The following NOL4L variants were observed in gnomAD, a reference collection of about 807,000 sequenced individuals.
NOL4L encodes the protein nucleolar protein 4 like, also known as nucleolar protein 4-like.
A neutral mutation model predicts 64.5 loss-of-function variants in NOL4L; 7 were observed. That is an observed-to-expected ratio of 0.11 (90% confidence interval 0.06 to 0.20). NOL4L has a LOEUF of 0.20. NOL4L is among the 10% of genes least tolerant of loss of function. NOL4L has a pLI of 1.00. For missense variants in NOL4L, 680 were observed against 967.1 expected (o/e 0.70, Z 3.94); for synonymous variants, 413 against 401.0 (o/e 1.03, Z -0.36).
chr20:32,488,235 C>T (rs2016177859), intron 4 of NOL4L, among the ~76,000 whole-genome samples: 2 of 152,276 alleles, frequency 1.3e-5, no homozygotes, highest in South Asian at 2.1e-4. Flanking sequence ...CATTTGGCAC[C>T]AAATTTTCCT....
chr20:32,513,511 G>A (rs150312523), intron 3 of NOL4L, among the ~76,000 whole-genome samples: 3 of 152,170 alleles, frequency 2.0e-5, no homozygotes, highest in African/African-American at 4.8e-5. Context: ...TGATGAAAAA[G>A]TTTTGGAAAT....
chr20:32,518,124 C>T (rs1013815099), intron 3 of NOL4L, among the ~76,000 whole-genome samples: 5 of 152,226 alleles, frequency 3.3e-5, no homozygotes, highest in Admixed American at 1.3e-4. Flanking sequence ...GCCACTTCCC[C>T]GGGCTCCTGC....
chr20:32,542,044 G>C (rs150544777), intron 1 of NOL4L, among the ~76,000 whole-genome samples: 16 of 152,344 alleles, frequency 1.1e-4, no homozygotes, highest in African/African-American at 3.8e-4. Context: ...ACAGGCGGGT[G>C]GTGGGGGGCG....
rs559079646 is a variant in NOL4L, at chr20:32,509,835, G to A, written c.699+1512C>T. On this transcript the variant is annotated intron_variant, in intron 4 of 10. Coordinates refer to ENST00000621426, the MANE Select transcript of NOL4L (RefSeq NM_001256798.2). ...CTGTATGAAACAAAACCAGGGGGCTGTGCTTCCGGCTGTTTGTGCGGTTTT... is the reference window on the plus strand; with the variant it reads ...CTGTATGAAACAAAACCAGGGGGCTATGCTTCCGGCTGTTTGTGCGGTTTT... 1,418 of 1,304,064 alleles carry A rather than the reference G, an allele frequency of 1.1e-3. 3 individuals are homozygous for A. Among genetic ancestry groups the A allele is most frequent in the South Asian group, 4.2e-3 (342 of 81,026 alleles). The allele number at this position is 1,304,064 out of a possible 1,614,324, so 80.8% of individuals were successfully genotyped here.
intron 1 of NOL4L, among the ~76,000 whole-genome samples, chr20:32,568,461 C>T (rs1465647318): frequency 6.6e-6 from 1 of 151,998 alleles, no homozygotes; most frequent in Non-Finnish European, 1.5e-5. Context: ...CTAGAGCCTA[C>T]AGCCTCCCTG....
At chr20:32,459,528 C>T (rs982396955) in intron 5 of NOL4L, among the ~76,000 whole-genome samples, 7 of 151,940 alleles carry the variant, frequency 4.6e-5, no homozygotes, top group Admixed American at 1.3e-4. Context: ...GGATTACAGG[C>T]GCCCGCCACC....
intron 4 of NOL4L, among the ~76,000 whole-genome samples, chr20:32,496,241 C>T (rs1467492189): frequency 1.3e-5 from 2 of 152,216 alleles, no homozygotes; most frequent in East Asian, 1.9e-4. Flanking sequence ...AAAGCCCTCC[C>T]ACTTCATCTC....
intron 4 of NOL4L, among the ~76,000 whole-genome samples, chr20:32,485,073 A>AAAAAAAAAAAAAAAAC (rs2016010866): frequency 1.4e-5 from 2 of 147,478 alleles, no homozygotes; most frequent in African/African-American, 5.0e-5. Context: ...AAAAAAAAAA[A>AAAAAAAAAAAAAAAAC]AAAAAAAAAA....
At chr20:32,583,820 C>T (rs1227062689) in intron 1 of NOL4L, among the ~76,000 whole-genome samples, 3 of 149,370 alleles carry the variant, frequency 2.0e-5, no homozygotes, top group African/African-American at 7.3e-5. Flanking sequence ...CCCACGCCAC[C>T]CCGCCCGGAC....
At chr20:32,465,049 C>A in intron 5 of NOL4L, 1 of 633,376 alleles carries the variant, frequency 1.6e-6, no homozygotes, top group Non-Finnish European at 2.9e-6. Context: ...GGGTTCCTGG[C>A]CCGTAGAGAG....
At chr20:32,512,190 A>G (rs541265225) in intron 3 of NOL4L, among the ~76,000 whole-genome samples, 1 of 151,982 alleles carries the variant, frequency 6.6e-6, no homozygotes, top group South Asian at 2.1e-4. Context: ...TGTGGCTCCC[A>G]TTTTGCCACA....
In NOL4L at chr20:32,527,810, G is replaced by A. The variant is rs1029449864; in HGVS notation, c.425C>T (p.Ala142Val). 31 of 1,550,292 alleles carry A rather than the reference G, an allele frequency of 2.0e-5. No individual in the cohort carries two copies. The highest frequency in any genetic ancestry group is 1.7e-4 in the Middle Eastern group (1 of 6,014). Residue 142 changes from alanine to valine, a missense_variant, in exon 2 of 11, where the codon GCG becomes GTG. Ala to Val is a moderately conservative substitution (Grantham distance 64). Coordinates refer to ENST00000621426, the MANE Select transcript of NOL4L (RefSeq NM_001256798.2). ...IIYSMHVESS[A>V]EPGKAPKHAG... ...GTGCTTGGGGGCTTTGCCTGGCTCCGCTGAGCTCTCCACATGCATCGAGTA... is the reference window on the plus strand; with the variant it reads ...GTGCTTGGGGGCTTTGCCTGGCTCCACTGAGCTCTCCACATGCATCGAGTA...
At chr20:32,561,887 G>A (rs1979042814) in intron 1 of NOL4L, among the ~76,000 whole-genome samples, 1 of 152,198 alleles carries the variant, frequency 6.6e-6, no homozygotes, top group Non-Finnish European at 1.5e-5. Context: ...TATTCGGGAG[G>A]CTGAGGTGGG....
At chr20:32,509,254 C>A (rs1228611679) in intron 4 of NOL4L, among the ~76,000 whole-genome samples, 1 of 151,970 alleles carries the variant, frequency 6.6e-6, no homozygotes, top group Admixed American at 6.6e-5. Context: ...TACAGGGATG[C>A]CAGCCGGAAT....
At chr20:32,553,538 GC>G (rs918827067) in intron 1 of NOL4L, among the ~76,000 whole-genome samples, 1 of 152,100 alleles carries the variant, frequency 6.6e-6, no homozygotes, top group African/African-American at 2.4e-5. Flanking sequence ...TCAAGCAGCA[GC>G]CCCCAGCCCT....
chr20:32,469,866 T>C (rs897196437), intron 5 of NOL4L, among the ~76,000 whole-genome samples: 1 of 152,312 alleles, frequency 6.6e-6, no homozygotes, highest in South Asian at 2.1e-4. Flanking sequence ...CCCCTGTGTG[T>C]CACAAGGCCA....
chr20:32,528,734 G>C (rs1325971778), intron 1 of NOL4L, among the ~76,000 whole-genome samples: 3 of 152,360 alleles, frequency 2.0e-5, no homozygotes, highest in African/African-American at 7.2e-5. Flanking sequence ...GGCCCGGAAG[G>C]GAACGGACTG....
At chr20:32,491,213 G>A (rs562409671) in intron 4 of NOL4L, among the ~76,000 whole-genome samples, 29 of 152,324 alleles carry the variant, frequency 1.9e-4, no homozygotes, top group African/African-American at 6.7e-4. Flanking sequence ...CATGGGCGGT[G>A]TATTCCAGTT....
chr20:32,467,162 C>A (rs1274500992), intron 5 of NOL4L, among the ~76,000 whole-genome samples: 2 of 152,212 alleles, frequency 1.3e-5, no homozygotes, highest in Non-Finnish European at 2.9e-5. Context: ...CCCCATGGCA[C>A]CCTGAGTACC....
Sources: allele counts gnomAD v4.1 joint callset (sites outside exome capture counted in the v4.1 genomes callset), GRCh38; gene constraint gnomAD v4.1.1; transcripts MANE v1.5; gene names NCBI Gene and HGNC (gene_info 2026-07-23, HGNC 2026-07-21).